Variants in LPIN1 observed in about 807,000 individuals in gnomAD.
LPIN1 encodes lipin 1, also known as phosphatidate phosphatase LPIN1.
A neutral mutation model predicts 107.5 loss-of-function variants in LPIN1; 71 were observed. That is an observed-to-expected ratio of 0.66 (90% CI 0.55 to 0.80). The LOEUF is 0.80. Among genes scored for constraint, LPIN1 ranks in the 30% least tolerant of loss-of-function variants. LPIN1 has a pLI of 0.00. For missense variants in LPIN1, 1,043 were observed against 1,160.6 expected, an observed-to-expected ratio of 0.90 and a Z score of 1.47; for synonymous variants, 445 against 452.6, an observed-to-expected ratio of 0.98 and a Z score of 0.21.
In LPIN1 at chr2:11,679,194, A is replaced by T. The variant is rs184586592; in HGVS notation, c.81+1466A>T. On this transcript the variant is annotated intron_variant, in intron 1 of 21. Transcript: ENST00000449576. ...TGGGGAGCACAGCATCGCTATTCCC[A>T]TTTGACAGCTGAGAAAACTGAGGCT... Among the ~76,000 whole-genome samples, 404 of 152,216 alleles carry T rather than the reference A, an allele frequency of 2.7e-3. 3 individuals are homozygous for T. Among genetic ancestry groups the T allele is most frequent in the African/African-American group, 9.3e-3 (388 of 41,534 alleles).
At chr2:11,773,047 A>G (rs908056022) in intron 4 of LPIN1, among the ~76,000 whole-genome samples, 2 of 152,246 alleles carry the variant, frequency 1.3e-5, no homozygotes, top group Non-Finnish European at 2.9e-5. Flanking sequence ...TAACATCAAC[A>G]TATAGACAGA....
At position 11,684,727 on chromosome 2, in the gene LPIN1, ATCCC is replaced by A. The variant is rs539235121; in HGVS notation, c.81+7017_81+7020del. Among the ~76,000 whole-genome samples the A allele has an allele frequency of 7.6e-4, 116 of 152,028 alleles. 3 individuals carry two copies. The South Asian group carries it at 0.022, about 29-fold the overall frequency. Reference sequence around the variant, plus strand: ...ATGAAAAGAAAAATACTTTCCTTCCATCCCTCCCTCCCTCCCTCCCTTCCTTCCA... The same window carrying A: ...ATGAAAAGAAAAATACTTTCCTTCCATCCCTCCCTCCCTCCCTTCCTTCCA... On this transcript the variant is annotated intron_variant, in intron 1 of 21. Coordinates refer to the LPIN1 transcript ENST00000449576.
intron 3 of LPIN1, among the ~76,000 whole-genome samples, chr2:11,770,455 G>A (rs1293671771): frequency 2.0e-5 from 3 of 152,144 alleles, no homozygotes; most frequent in Non-Finnish European, 2.9e-5. Flanking sequence ...GCCCTTCTCT[G>A]CTCTTGATCT....
At chr2:11,787,896 G>A (rs1674933050) in intron 11 of LPIN1, among the ~76,000 whole-genome samples, 1 of 150,960 alleles carries the variant, frequency 6.6e-6, no homozygotes, top group Non-Finnish European at 1.5e-5. Context: ...AGCCAAGATA[G>A]CGCCACTGCA....
chr2:11,760,689 C>A (rs977409635), intron 1 of LPIN1, among the ~76,000 whole-genome samples: 3 of 149,096 alleles, frequency 2.0e-5, no homozygotes, highest in Non-Finnish European at 4.5e-5. Context: ...GACAGGGAGA[C>A]GGTGGGGAGA....
At position 11,773,204 on chromosome 2, in the gene LPIN1, G is replaced by A. The variant is rs189159123; in HGVS notation, c.597-416G>A. Among the ~76,000 whole-genome samples the A allele has an allele frequency of 4.8e-3, 733 of 152,314 alleles. 4 individuals are homozygous for A. The highest frequency in any genetic ancestry group is 0.016 in the African/African-American group (670 of 41,552). ...TTCTGCTAGACAAAATGTGATCAGC[G>A]TATGGTCATTGAGTTATTCAGCAGT... is the stretch of plus-strand genomic sequence containing the variant. On this transcript the variant is annotated intron_variant, in intron 4 of 20. Coordinates refer to ENST00000674199, the MANE Select transcript of LPIN1 (RefSeq NM_001349206.2).
At chr2:11,752,784 A>G (rs1399033007) in intron 1 of LPIN1, among the ~76,000 whole-genome samples, 2 of 152,108 alleles carry the variant, frequency 1.3e-5, no homozygotes, top group African/African-American at 4.8e-5. Flanking sequence ...GGTGTTGGCA[A>G]AAATTGTGGG....
intron 1 of LPIN1, among the ~76,000 whole-genome samples, chr2:11,677,943 T>C (rs1309371758): frequency 1.3e-5 from 2 of 152,264 alleles, no homozygotes; most frequent in African/African-American, 4.8e-5. Flanking sequence ...TAGAGGAGGC[T>C]GTAGAACTTA....
chr2:11,787,238 T>C lies in LPIN1; in HGVS notation c.1643+71T>C, dbSNP rs536213654. 3.6e-5 allele frequency: 37 copies of C among 1,018,038 alleles called. No individual in the cohort carries two copies. The African/African-American group carries it at 5.5e-4, about 15-fold the overall frequency. 63.1% of individuals were successfully genotyped at this position (1,018,038 alleles called of 1,614,324 possible). A position where few individuals can be genotyped will look rare whatever the true frequency, so the allele number is the denominator to read the frequency against. ...TCTGTTTCATGTTTTCAAATAGACC[T>C]AGACATTAAGCCTTAGAAATATATA... On this transcript the variant is annotated intron_variant, in intron 11 of 20. Transcript: ENST00000674199.
chr2:11,815,130 G>A lies in LPIN1; in HGVS notation c.2292G>A (p.Gly764=). The part of the protein sequence containing the change: ...KFLYCSARAI[G]MADMTRGYLH... ...TCTACTGTTCTGCCCGTGCCATCGG[G>A]ATGGCGGACATGACGCGGGGCTACC... The change falls in exon 18 of 21, where the codon GGG becomes GGA. Residue 764 remains glycine (G), a synonymous_variant. Coordinates refer to ENST00000674199, the MANE Select transcript of LPIN1 (RefSeq NM_001349206.2). 6.2e-7 allele frequency: 1 copy of A among 1,614,220 alleles called. No homozygotes were observed. The highest frequency in any genetic ancestry group is 8.5e-7 in the Non-Finnish European group (1 of 1,180,026).
intron 1 of LPIN1, among the ~76,000 whole-genome samples, chr2:11,685,648 A>G (rs1232847918): frequency 6.6e-6 from 1 of 152,170 alleles, no homozygotes; most frequent in Non-Finnish European, 1.5e-5. Flanking sequence ...TGTTTTAGAG[A>G]CGGGTTACCG....
chr2:11,773,807 A>G (rs1480151863), intron 5 of LPIN1, 62 bp downstream of exon 5: 2 of 1,563,506 alleles, frequency 1.3e-6, no homozygotes, highest in Non-Finnish European at 1.8e-6. Context: ...ATAGGAAGCA[A>G]TTCTAAGAAA....
intron 1 of LPIN1, among the ~76,000 whole-genome samples, chr2:11,737,911 A>C (rs1665949584): frequency 6.6e-6 from 1 of 152,260 alleles, no homozygotes. Context: ...ATTATAAATC[A>C]TTCTACTATA....
chr2:11,713,140 C>T (rs534091015), intron 1 of LPIN1, among the ~76,000 whole-genome samples: 1 of 152,328 alleles, frequency 6.6e-6, no homozygotes, highest in South Asian at 2.1e-4. Context: ...TCTTATGATC[C>T]ATGTGCTTTG....
intron 9 of LPIN1, chr2:11,784,348 G>T: frequency 2.7e-6 from 2 of 741,128 alleles, no homozygotes; most frequent in Non-Finnish European, 3.5e-6. Flanking sequence ...GCAGTGGGAG[G>T]CTCCCATTGC....
Position 11,802,974 on chromosome 2 carries a change from C to T in LPIN1, c.1954C>T (p.Leu652Phe). ...TGCCAAGCCATCAAACGCAGGCCAC[C>T]TCCCTCTTCTGCCTAATGTCAGCTA... ...AAAKPSNAGH[L>F]PLLPNVSYKK... is the part of the protein sequence containing the mutation. The change falls in exon 15 of 21, where the codon CTC (leucine) becomes TTC (phenylalanine). Residue 652 changes from leucine to phenylalanine, a missense_variant. Coordinates refer to ENST00000674199, the MANE Select transcript of LPIN1 (RefSeq NM_001349206.2). 5.6e-6 allele frequency: 9 copies of T among 1,613,334 alleles called. No individual in the cohort carries two copies. Among genetic ancestry groups the T allele is most frequent in the Non-Finnish European group, 7.6e-6 (9 of 1,180,020 alleles).
At chr2:11,746,191 G>T (rs551681814), upstream of LPIN1, 1 of 152,502 alleles carries the variant, frequency 6.6e-6, no homozygotes, top group South Asian at 2.1e-4. Flanking sequence ...TGGAAGAAAC[G>T]AAGGGCGAGG....
upstream of LPIN1, among the ~76,000 whole-genome samples, chr2:11,745,531 A>C (rs576046755): frequency 1.9e-4 from 29 of 152,276 alleles, no homozygotes; most frequent in African/African-American, 5.8e-4. Context: ...CAACATAGGG[A>C]GACCTGGTCT....
At chr2:11,795,173 C>G (rs767847802) in intron 13 of LPIN1, among the ~76,000 whole-genome samples, 1 of 152,180 alleles carries the variant, frequency 6.6e-6, no homozygotes, top group Non-Finnish European at 1.5e-5. Context: ...ATAACAGATT[C>G]GTTTCTGTCA....
Sources: gnomAD v4.1 joint callset for allele counts (sites outside exome capture counted in the v4.1 genomes callset) on GRCh38, gnomAD v4.1.1 for gene constraint, MANE v1.5 for transcripts, NCBI Gene and HGNC (gene_info 2026-07-23, HGNC 2026-07-21) for gene names.